Variants in HS3ST4 observed in about 807,000 individuals in gnomAD.
HS3ST4 encodes heparan sulfate-glucosamine 3-sulfotransferase 4.
A neutral mutation model predicts 29.2 loss-of-function variants in HS3ST4; 17 were observed. The observed-to-expected ratio is 0.58, with a 90% CI of 0.40 to 0.87. The LOEUF (loss-of-function observed/expected upper bound fraction) is 0.87. HS3ST4 is among the 40% of genes least tolerant of loss of function. HS3ST4 has a pLI of 0.00. For synonymous variants in HS3ST4, 314 were observed against 285.7 expected, an observed-to-expected ratio of 1.10 and a Z score of -1.00; for missense variants, 627 against 634.5, an observed-to-expected ratio of 0.99 and a Z score of 0.13.
chr16:25,773,987 A>G (rs1165278818), intron 1 of HS3ST4, among the ~76,000 whole-genome samples: 1 of 152,182 alleles, frequency 6.6e-6, no homozygotes, highest in East Asian at 1.9e-4. Context: ...AATTGGTTGT[A>G]TCATTGTCAT....
intron 1 of HS3ST4, among the ~76,000 whole-genome samples, chr16:25,821,789 T>C (rs1055407201): frequency 1.3e-5 from 2 of 152,064 alleles, no homozygotes; most frequent in African/African-American, 4.8e-5. Context: ...TAGCTGGGCA[T>C]AGGGGCATGC....
At chr16:25,836,766 G>T (rs1967360245) in intron 1 of HS3ST4, among the ~76,000 whole-genome samples, 1 of 152,178 alleles carries the variant, frequency 6.6e-6, no homozygotes, top group Non-Finnish European at 1.5e-5. Context: ...AATAGACCCA[G>T]AATATAACCT....
At chr16:25,752,028 T>A (rs1966724861) in intron 1 of HS3ST4, among the ~76,000 whole-genome samples, 1 of 152,066 alleles carries the variant, frequency 6.6e-6, no homozygotes, top group East Asian at 1.9e-4. Flanking sequence ...AGATTAAACC[T>A]GGGACTGTCT....
intron 1 of HS3ST4, among the ~76,000 whole-genome samples, chr16:26,070,997 C>G (rs1311839470): frequency 6.6e-6 from 1 of 152,210 alleles, no homozygotes; most frequent in Non-Finnish European, 1.5e-5. Flanking sequence ...AAACCTCAGA[C>G]ATTCTGTGCT....
intron 1 of HS3ST4, among the ~76,000 whole-genome samples, chr16:25,951,977 A>G (rs1968687142): frequency 6.6e-6 from 1 of 150,770 alleles, no homozygotes; most frequent in Admixed American, 6.6e-5. Context: ...CTTAAAAAAA[A>G]GAATTAAATA....
rs139531095 is a variant in HS3ST4, at chr16:26,054,370, C to A, written c.735-81242C>A. On this transcript the variant is annotated intron_variant, in intron 1 of 1. Transcript: ENST00000331351. Reference sequence around the variant, plus strand: ...ATGCATTAAGATTCCTTGTTTTTCACAAGAAAGCCAACTCTCCTCCATTCG... The same window carrying A: ...ATGCATTAAGATTCCTTGTTTTTCAAAAGAAAGCCAACTCTCCTCCATTCG... 4.5e-4 allele frequency among the ~76,000 whole-genome samples: 68 copies of A among 152,014 alleles called. 1 individual carries two copies. The South Asian group carries it at 7.7e-3, about 17-fold the overall frequency.
At chr16:25,964,141 C>T (rs1286182776) in intron 1 of HS3ST4, among the ~76,000 whole-genome samples, 3 of 150,946 alleles carry the variant, frequency 2.0e-5, no homozygotes, top group African/African-American at 7.3e-5. Context: ...CACCATTGCA[C>T]TCCAGCCTGA....
At chr16:26,098,061 G>A (rs965946926) in intron 1 of HS3ST4, among the ~76,000 whole-genome samples, 11 of 151,746 alleles carry the variant, frequency 7.2e-5, no homozygotes, top group Non-Finnish European at 4.4e-5. Context: ...TTAGAATGGC[G>A]ATCATTAAAA....
chr16:25,839,429 A>G (rs1296018908), intron 1 of HS3ST4, among the ~76,000 whole-genome samples: 1 of 152,190 alleles, frequency 6.6e-6, no homozygotes, highest in Non-Finnish European at 1.5e-5. Flanking sequence ...TTGTTTTAGA[A>G]TATTCCCATA....
At chr16:25,781,512 T>C (rs1424680929) in intron 1 of HS3ST4, among the ~76,000 whole-genome samples, 1 of 152,208 alleles carries the variant, frequency 6.6e-6, no homozygotes, top group African/African-American at 2.4e-5. Flanking sequence ...ATCTCCTCTC[T>C]CACACACATA....
intron 1 of HS3ST4, among the ~76,000 whole-genome samples, chr16:26,049,988 G>A (rs373789537): frequency 6.6e-6 from 1 of 152,152 alleles, no homozygotes; most frequent in Non-Finnish European, 1.5e-5. Flanking sequence ...AGCTGTCCAT[G>A]AGCCCCCTGA....
At position 26,062,351 on chromosome 16, in the gene HS3ST4, A is replaced by G. The variant is rs117787621; in HGVS notation, c.735-73261A>G. 7.0e-4 allele frequency among the ~76,000 whole-genome samples: 106 copies of G among 152,292 alleles called. No homozygotes were observed. In the East Asian group the frequency reaches 0.02, roughly 29 times the overall value. On this transcript the variant is annotated intron_variant, in intron 1 of 1. Coordinates refer to ENST00000331351, the MANE Select transcript of HS3ST4 (RefSeq NM_006040.3). Reference sequence around the variant, plus strand: ...AAATGGGGTAGTCATAACTTTGTCAACAGTGCTTGGCACTGTGATTGGGGC... The same window carrying G: ...AAATGGGGTAGTCATAACTTTGTCAGCAGTGCTTGGCACTGTGATTGGGGC...
intron 1 of HS3ST4, among the ~76,000 whole-genome samples, chr16:26,084,994 G>T (rs1211963642): frequency 6.6e-6 from 1 of 152,196 alleles, no homozygotes; most frequent in Non-Finnish European, 1.5e-5. Flanking sequence ...TCCCTGAAGA[G>T]ACTGTGGCTG....
chr16:25,898,179 A>G (rs1181308047), intron 1 of HS3ST4, among the ~76,000 whole-genome samples: 1 of 152,186 alleles, frequency 6.6e-6, no homozygotes, highest in Non-Finnish European at 1.5e-5. Flanking sequence ...CTATCAAACT[A>G]ACAACCTCTT....
chr16:26,011,931 G>A (rs1969314999), intron 1 of HS3ST4, among the ~76,000 whole-genome samples: 1 of 152,156 alleles, frequency 6.6e-6, no homozygotes, highest in African/African-American at 2.4e-5. Context: ...CCCAAGCCAA[G>A]ATTAATGAAA....
At chr16:26,074,585 G>A (rs1174706714) in intron 1 of HS3ST4, among the ~76,000 whole-genome samples, 3 of 152,218 alleles carry the variant, frequency 2.0e-5, no homozygotes. Flanking sequence ...AAATGATGGA[G>A]TGGGAAAGAG....
intron 1 of HS3ST4, among the ~76,000 whole-genome samples, chr16:25,742,035 A>G (rs2141597983): frequency 6.6e-6 from 1 of 152,342 alleles, no homozygotes; most frequent in East Asian, 1.9e-4. Context: ...GGAAATTATA[A>G]TGAATAGTGA....
intron 1 of HS3ST4, among the ~76,000 whole-genome samples, chr16:26,028,174 G>T (rs796851111): frequency 3.0e-4 from 45 of 150,362 alleles, no homozygotes; most frequent in African/African-American, 1.1e-3. Context: ...CTGGGAGGCT[G>T]AGGCAAGAGA....
chr16:25,704,180 C>G (rs1256965129), intron 1 of HS3ST4, among the ~76,000 whole-genome samples: 1 of 152,206 alleles, frequency 6.6e-6, no homozygotes, highest in African/African-American at 2.4e-5. Flanking sequence ...AGAAAGAACC[C>G]TCACATTTCT....
Sources: gnomAD v4.1 joint callset for allele counts (sites outside exome capture counted in the v4.1 genomes callset) on GRCh38, gnomAD v4.1.1 for gene constraint, MANE v1.5 for transcripts, NCBI Gene and HGNC (gene_info 2026-07-23, HGNC 2026-07-21) for gene names.